SH3GL2: variants seen among roughly 807,000 people sequenced by gnomAD.
SH3GL2 encodes the protein endophilin-A1.
A neutral mutation model predicts 46.0 loss-of-function variants in SH3GL2; 24 were observed. That is an observed-to-expected ratio of 0.52 (90% CI 0.38 to 0.73). SH3GL2 has a LOEUF of 0.73. Ranked by LOEUF, SH3GL2 falls within the 30% of genes least tolerant of loss-of-function variation. SH3GL2 has a pLI of 0.00. For missense variants in SH3GL2, 413 were observed against 424.2 expected, an observed-to-expected ratio of 0.97 and a Z score of 0.23; for synonymous variants, 196 against 147.1, an observed-to-expected ratio of 1.33 and a Z score of -2.40.
chr9:17,776,160 C>T (rs1588325382), intron 3 of SH3GL2, among the ~76,000 whole-genome samples: 1 of 152,198 alleles, frequency 6.6e-6, no homozygotes, highest in Non-Finnish European at 1.5e-5. Context: ...GCCTCTGCAG[C>T]CCCACCCTTT....
intron 5 of SH3GL2, among the ~76,000 whole-genome samples, 183 bp from the exon 6 acceptor site, chr9:17,789,209 C>T (rs1476059454): frequency 6.6e-6 from 1 of 152,120 alleles, no homozygotes; most frequent in African/African-American, 2.4e-5. Flanking sequence ...GATATTCCCC[C>T]ATATTTAGCC....
At chr9:17,736,323 C>G (rs1822334126) in intron 1 of SH3GL2, among the ~76,000 whole-genome samples, 1 of 152,012 alleles carries the variant, frequency 6.6e-6, no homozygotes, top group Admixed American at 6.6e-5. Flanking sequence ...ATCCATCTTT[C>G]TGAGTTTTGT....
Position 17,794,607 on chromosome 9 carries a change from A to G in SH3GL2, c.860-937A>G, listed in dbSNP as rs566346800. Among the ~76,000 whole-genome samples the G allele has an allele frequency of 4.6e-5, 7 of 152,312 alleles. No individual in the cohort carries two copies. In the South Asian group the frequency reaches 1.0e-3, roughly 23 times the overall value. ...TTCTCTAAATAAAAAAATAAATTAC[A>G]TTGTTTCCTTTCCAGCCACCTAGAT... On this transcript the variant is annotated intron_variant, in intron 8 of 8. Transcript: ENST00000380607.
chr9:17,755,444 T>C (rs1356500036), intron 2 of SH3GL2, among the ~76,000 whole-genome samples: 1 of 152,182 alleles, frequency 6.6e-6, no homozygotes, highest in African/African-American at 2.4e-5. Flanking sequence ...CCTGAAGTTT[T>C]CTTTTTTGTT....
chr9:17,653,815 A>G (rs1310688775), intron 1 of SH3GL2: 9 of 937,320 alleles, frequency 9.6e-6, no homozygotes, highest in Non-Finnish European at 1.0e-5. Flanking sequence ...TAGTCTTATC[A>G]AAGAAGAAGA....
chr9:17,623,247 C>T (rs900586928), intron 1 of SH3GL2, among the ~76,000 whole-genome samples: 3 of 151,940 alleles, frequency 2.0e-5, no homozygotes, highest in African/African-American at 4.8e-5. Context: ...AAGGTCCCTA[C>T]GATACGTCTG....
At chr9:17,684,587 A>G (rs1820856650) in intron 1 of SH3GL2, among the ~76,000 whole-genome samples, 1 of 152,172 alleles carries the variant, frequency 6.6e-6, no homozygotes, top group African/African-American at 2.4e-5. Context: ...TTCCCAAACT[A>G]ATGACACATA....
chr9:17,738,569 T>TGTGTGTGTGTATATAC (rs1258079014), intron 1 of SH3GL2, among the ~76,000 whole-genome samples: 1 of 88,070 alleles, frequency 1.1e-5, no homozygotes, highest in Admixed American at 1.3e-4. Context: ...TACATACATA[T>TGTGTGTGTGTATATAC]ATATATAGAG....
At chr9:17,632,327 A>G (rs1033651008) in intron 1 of SH3GL2, among the ~76,000 whole-genome samples, 1 of 152,178 alleles carries the variant, frequency 6.6e-6, no homozygotes, top group Non-Finnish European at 1.5e-5. Context: ...TTAGTTTTGC[A>G]TTTTCTTTCC....
chr9:17,633,297 A>T (rs1383154858), intron 1 of SH3GL2, among the ~76,000 whole-genome samples: 5 of 152,156 alleles, frequency 3.3e-5, no homozygotes, highest in Admixed American at 1.3e-4. Flanking sequence ...AGTTGGTGTT[A>T]CTGCAAGCCC....
chr9:17,732,901 A>G (rs529014246), intron 1 of SH3GL2, among the ~76,000 whole-genome samples: 2 of 152,206 alleles, frequency 1.3e-5, no homozygotes, highest in African/African-American at 4.8e-5. Flanking sequence ...TTTCCTGGGA[A>G]CAGAAGTTTG....
rs78695505 is a variant in SH3GL2 at position 17,732,968 on chromosome 9, G to A, written c.46-14098G>A. 3.6e-3 allele frequency among the ~76,000 whole-genome samples: 555 copies of A among 152,228 alleles called. 6 individuals are homozygous for A. Among genetic ancestry groups the A allele is most frequent in the African/African-American group, 0.011 (450 of 41,546 alleles). The stretch of plus-strand genomic sequence containing the variant: ...AGTCCTCTCTCTGTAACACCTGGCT[G>A]TCTGACCATAGCATACCTGGTCACT... On this transcript the variant is annotated intron_variant, in intron 1 of 8. Transcript: ENST00000380607.
At chr9:17,679,010 T>C (rs1469187822) in intron 1 of SH3GL2, among the ~76,000 whole-genome samples, 1 of 152,208 alleles carries the variant, frequency 6.6e-6, no homozygotes, top group Non-Finnish European at 1.5e-5. Context: ...TTGGTACCAG[T>C]ACCATGCTGT....
At position 17,795,763 on chromosome 9, in the gene SH3GL2, C is replaced by T. The variant is rs777098331; in HGVS notation, c.*20C>T. On this transcript the variant is annotated 3_prime_UTR_variant, in exon 9 of 9. Transcript: ENST00000380607. ...CATTAGGATGTTATGCTGGCTGGCT[C>T]GCCTCCTCTTGACCCAGATAGTTAC... The T allele has an allele frequency of 4.1e-5, 66 of 1,597,268 alleles. No individual in the cohort carries two copies. Among genetic ancestry groups the T allele is most frequent in the Admixed American group, 3.5e-4 (21 of 59,766 alleles).
intron 1 of SH3GL2, among the ~76,000 whole-genome samples, chr9:17,580,813 C>T (rs1015732151): frequency 1.3e-5 from 2 of 152,198 alleles, no homozygotes; most frequent in African/African-American, 2.4e-5. Context: ...GGTCACTTCT[C>T]TATAGCATAT....
intron 1 of SH3GL2, among the ~76,000 whole-genome samples, chr9:17,603,355 G>A (rs183405261): frequency 2.6e-5 from 4 of 152,226 alleles, no homozygotes; most frequent in South Asian, 4.1e-4. Flanking sequence ...GAGCTGTAAG[G>A]ACATTAAGCT....
chr9:17,778,797 T>C lies in SH3GL2; in HGVS notation c.188-7584T>C, dbSNP rs544434754. ...AGAGCTGACCGAATTTGCTGACTAA[T>C]TGCATATTAGGCAAGAGAGACATCA... On this transcript the variant is annotated intron_variant, in intron 3 of 8. Transcript: ENST00000380607. Among the ~76,000 whole-genome samples the C allele has an allele frequency of 1.1e-4, 17 of 152,200 alleles. No individual in the cohort carries two copies. In the South Asian group the frequency reaches 1.9e-3, roughly 17 times the overall value.
intron 1 of SH3GL2, among the ~76,000 whole-genome samples, chr9:17,690,538 C>A (rs536413908): frequency 1.3e-5 from 2 of 152,126 alleles, no homozygotes; most frequent in African/African-American, 4.8e-5. Flanking sequence ...TCATTCTGCT[C>A]AAAAATTATG....
intron 1 of SH3GL2, among the ~76,000 whole-genome samples, chr9:17,643,776 A>T (rs1332069004): frequency 1.3e-5 from 2 of 152,036 alleles, no homozygotes; most frequent in Non-Finnish European, 2.9e-5. Context: ...TTCATCAGGG[A>T]TGTTGGCCTG....
Sources: gnomAD v4.1 joint callset for allele counts (sites outside exome capture counted in the v4.1 genomes callset) on GRCh38, gnomAD v4.1.1 for gene constraint, MANE v1.5 for transcripts, NCBI Gene and HGNC (gene_info 2026-07-23, HGNC 2026-07-21) for gene names.